The following ALG5 variants were observed in gnomAD, a reference collection of about 807,000 sequenced individuals.
ALG5 encodes the protein ALG5 dolichyl-phosphate beta-glucosyltransferase, also known as dolichyl-phosphate beta-glucosyltransferase.
Under a neutral mutation model 51.8 loss-of-function variants are expected in ALG5, and 26 were observed. The observed-to-expected ratio is 0.50, with a 90% CI of 0.37 to 0.70. The LOEUF is 0.70. ALG5 is among the 30% of genes least tolerant of loss of function. The probability of loss-of-function intolerance (pLI) is 0.00; values close to 1 mark genes in which losing one functional copy is unlikely to be tolerated. For missense variants in ALG5, 311 were observed against 399.3 expected (o/e 0.78, Z 1.88); for synonymous variants, 141 against 136.1 (o/e 1.04, Z -0.25).
At chr13:36,954,615 C>T (rs987826903) in intron 8 of ALG5, among the ~76,000 whole-genome samples, 2 of 152,182 alleles carry the variant, frequency 1.3e-5, no homozygotes, top group African/African-American at 4.8e-5. Flanking sequence ...AACATTTTAA[C>T]TAAAATACCA....
At position 36,962,373 on chromosome 13, in the gene ALG5, G is replaced by A. The variant is rs188501228; in HGVS notation, c.773+3202C>T. On this transcript the variant is annotated intron_variant, in intron 8 of 9. Coordinates refer to ENST00000239891, the MANE Select transcript of ALG5 (RefSeq NM_013338.5). ...TGGTGAAGGGTATACTGCTCATTAA[G>A]CTGATACATGTATACTTGGTGGTTC... 3.7e-3 allele frequency among the ~76,000 whole-genome samples: 563 copies of A among 152,280 alleles called. 5 individuals carry two copies. Among genetic ancestry groups the A allele is most frequent in the African/African-American group, 0.013 (550 of 41,548 alleles).
chr13:36,969,890 A>G (rs1471748968), intron 7 of ALG5, among the ~76,000 whole-genome samples: 3 of 152,096 alleles, frequency 2.0e-5, no homozygotes, highest in African/African-American at 7.2e-5. Context: ...ATTTTTTACA[A>G]ACAACCTAAT....
intron 6 of ALG5, 44 bp downstream of exon 6, chr13:36,985,583 G>T: frequency 6.8e-7 from 1 of 1,467,176 alleles, no homozygotes; most frequent in Non-Finnish European, 9.4e-7. Flanking sequence ...TAGCTCTCCT[G>T]CATTCTTGAC....
intron 6 of ALG5, among the ~76,000 whole-genome samples, chr13:36,973,699 G>A (rs80052516): frequency 0.052 from 7,864 of 152,074 alleles, 672 homozygotes; most frequent in African/African-American, 0.18. Flanking sequence ...ACAGACAAAA[G>A]GTTAATTTCC....
Position 36,985,665 on chromosome 13 carries a change from TCTCAACATCTGG to T in ALG5, c.511_522del (p.Pro171_Glu174del). The T allele has an allele frequency of 6.2e-7, 1 of 1,613,730 alleles. No individual in the cohort carries two copies. Among genetic ancestry groups the T allele is most frequent in the Non-Finnish European group, 8.5e-7 (1 of 1,179,910 alleles). ...AGATCATTTAGCCCCTTTTCTAATT[TCTCAACATCTGG>T]AAACTTTGTGGCTCCATCAGCATCT... On this transcript the variant is annotated inframe_deletion, in exon 6 of 10. Transcript: ENST00000239891.
chr13:36,966,978 T>G (rs1298209953), intron 7 of ALG5, among the ~76,000 whole-genome samples: 1 of 151,736 alleles, frequency 6.6e-6, no homozygotes, highest in Admixed American at 6.6e-5. Context: ...ATCCCAGCAC[T>G]CTGGGAGGCC....
At chr13:36,952,307 G>T (rs2058821960) in intron 9 of ALG5, among the ~76,000 whole-genome samples, 1 of 152,066 alleles carries the variant, frequency 6.6e-6, no homozygotes, top group African/African-American at 2.4e-5. Context: ...CCTACTGAAG[G>T]CCCCATGAAC....
At chr13:36,996,814 C>A (rs982130290) in intron 1 of ALG5, among the ~76,000 whole-genome samples, 1 of 152,152 alleles carries the variant, frequency 6.6e-6, no homozygotes, top group Non-Finnish European at 1.5e-5. Context: ...TTTCACTTTG[C>A]AACCCGCAAT....
intron 2 of ALG5, among the ~76,000 whole-genome samples, 181 bp downstream of exon 2, chr13:36,995,244 G>C (rs1299278222): frequency 2.0e-5 from 3 of 152,120 alleles, no homozygotes; most frequent in African/African-American, 7.2e-5. Flanking sequence ...TCATGATGCT[G>C]CTCCTATTCA....
intron 6 of ALG5, among the ~76,000 whole-genome samples, chr13:36,984,100 AT>A (rs776760270): frequency 2.2e-3 from 307 of 139,830 alleles, no homozygotes; most frequent in Admixed American, 2.7e-3. Context: ...TAGTTCTGTA[AT>A]TTTTTTTTTT....
In ALG5 at chr13:36,980,808, AC is replaced by A. The variant is rs1278054847; in HGVS notation, c.561+4818del. 2.6e-5 allele frequency among the ~76,000 whole-genome samples: 4 copies of A among 151,820 alleles called. No individual in the cohort carries two copies. The East Asian group carries it at 7.8e-4, about 30-fold the overall frequency. ...GCCAACACAGTGAAACCCCATCTCT[AC>A]CAAAAAACACAAAAAATAGCCTGGC... On this transcript the variant is annotated intron_variant, in intron 6 of 9. Coordinates refer to ENST00000239891, the MANE Select transcript of ALG5 (RefSeq NM_013338.5).
At chr13:36,980,148 T>C (rs1462633869) in intron 6 of ALG5, among the ~76,000 whole-genome samples, 4 of 152,236 alleles carry the variant, frequency 2.6e-5, no homozygotes, top group South Asian at 4.1e-4. Context: ...GCATTTATTT[T>C]GCCTGTTAGG....
intron 7 of ALG5, chr13:36,967,943 A>G (rs1252566089): frequency 2.9e-5 from 13 of 450,906 alleles, no homozygotes; most frequent in Non-Finnish European, 3.7e-5. Context: ...AAATAAAACT[A>G]TTCATGACTG....
intron 9 of ALG5, among the ~76,000 whole-genome samples, chr13:36,950,682 C>T (rs1025664544): frequency 3.3e-5 from 5 of 151,984 alleles, no homozygotes; most frequent in African/African-American, 1.2e-4. Context: ...CGGGCTCAAA[C>T]GATCCAGTCC....
intron 5 of ALG5, among the ~76,000 whole-genome samples, chr13:36,988,433 A>G (rs2059011500): frequency 6.6e-6 from 1 of 152,306 alleles, no homozygotes; most frequent in Non-Finnish European, 1.5e-5. Context: ...ACATATCCAA[A>G]GAGTTCCTAC....
At chr13:36,972,554 G>A in intron 6 of ALG5, among the ~76,000 whole-genome samples, 1 of 151,852 alleles carries the variant, frequency 6.6e-6, no homozygotes, top group African/African-American at 2.4e-5. Context: ...GAAAAATCTA[G>A]AAATAAAGTT....
intron 7 of ALG5, among the ~76,000 whole-genome samples, chr13:36,967,230 AAAAAAAAG>A (rs1247602447): frequency 2.2e-4 from 34 of 151,788 alleles, no homozygotes; most frequent in Middle Eastern, 3.4e-3. Flanking sequence ...CTCAAAAAAA[AAAAAAAAG>A]AAAAAAAGAA....
At chr13:36,974,181 C>A (rs1566062325) in intron 6 of ALG5, among the ~76,000 whole-genome samples, 4 of 151,446 alleles carry the variant, frequency 2.6e-5, no homozygotes, top group African/African-American at 9.8e-5. Flanking sequence ...CTGTATAGTA[C>A]CACACTTTGC....
intron 8 of ALG5, among the ~76,000 whole-genome samples, chr13:36,960,476 G>A (rs2058860819): frequency 1.3e-5 from 2 of 152,108 alleles, no homozygotes; most frequent in South Asian, 4.2e-4. Context: ...AAAATAAAAA[G>A]TATTCATTGA....
Sources: allele counts gnomAD v4.1 joint callset (sites outside exome capture counted in the v4.1 genomes callset), GRCh38; gene constraint gnomAD v4.1.1; transcripts MANE v1.5; gene names NCBI Gene and HGNC (gene_info 2026-07-23, HGNC 2026-07-21).